The following SAMMSON variants were observed in gnomAD, a reference collection of about 807,000 sequenced individuals.
SAMMSON encodes long intergenic non-protein coding RNA 1212.
chr3:70,033,685 G>C (rs2067074340), intron 3 of SAMMSON, among the ~76,000 whole-genome samples: 1 of 152,174 alleles, frequency 6.6e-6, no homozygotes, highest in Admixed American at 6.5e-5. Context: ...GGCCAGGTGA[G>C]AGAGGATGAA....
intron 9 of SAMMSON, among the ~76,000 whole-genome samples, chr3:70,374,481 T>C (rs888082667): frequency 1.3e-5 from 2 of 152,064 alleles, no homozygotes; most frequent in Admixed American, 6.6e-5. Context: ...GAAGTCCAAG[T>C]TTCTTGCTTT....
chr3:70,420,304 C>T (rs548032199), intron 2 of SAMMSON, among the ~76,000 whole-genome samples: 1 of 152,198 alleles, frequency 6.6e-6, no homozygotes, highest in South Asian at 2.1e-4. Context: ...TGCTTCCAAA[C>T]TCACCACAAA....
intron 4 of SAMMSON, among the ~76,000 whole-genome samples, chr3:70,077,383 A>G (rs13069643): frequency 0.056 from 8,568 of 152,292 alleles, 356 homozygotes; most frequent in South Asian, 0.14. Flanking sequence ...TTTAGATTGC[A>G]TACATATGTG....
chr3:70,398,034 G>T (rs1376042133), intron 2 of SAMMSON, among the ~76,000 whole-genome samples: 1 of 152,026 alleles, frequency 6.6e-6, no homozygotes, highest in African/African-American at 2.4e-5. Context: ...AAACAATTTT[G>T]AATAATAATG....
chr3:70,415,812 C>T (rs1160353205), intron 2 of SAMMSON, among the ~76,000 whole-genome samples: 1 of 152,140 alleles, frequency 6.6e-6, no homozygotes, highest in African/African-American at 2.4e-5. Context: ...GAGCAAGAAT[C>T]ATGTTGTTAA....
intron 4 of SAMMSON, among the ~76,000 whole-genome samples, chr3:70,178,359 G>T (rs1326096909): frequency 6.6e-6 from 1 of 152,112 alleles, no homozygotes; most frequent in African/African-American, 2.4e-5. Context: ...TTCTTAAACT[G>T]CAGTATCCTT....
At chr3:70,034,910 CTTAGG>C (rs1209264850) in intron 3 of SAMMSON, among the ~76,000 whole-genome samples, 2 of 152,120 alleles carry the variant, frequency 1.3e-5, no homozygotes, top group African/African-American at 4.8e-5. Flanking sequence ...AAGAGGAAAT[CTTAGG>C]TTAGAATTGT....
chr3:70,288,544 G>A (rs1702191755), intron 6 of SAMMSON, among the ~76,000 whole-genome samples: 1 of 149,750 alleles, frequency 6.7e-6, no homozygotes, highest in Admixed American at 6.7e-5. Context: ...TATTGATTTG[G>A]GGTGGAGAGT....
chr3:70,324,153 CTCTATCTATCTATCTA>C (rs200387919), intron 7 of SAMMSON, among the ~76,000 whole-genome samples: 3 of 148,548 alleles, frequency 2.0e-5, no homozygotes, highest in East Asian at 2.0e-4. Context: ...CTTTACATCT[CTCTATCTATCTATCTA>C]TCTATCTATC....
At chr3:70,025,795 T>C (rs979750523) in intron 3 of SAMMSON, among the ~76,000 whole-genome samples, 4 of 152,212 alleles carry the variant, frequency 2.6e-5, no homozygotes, top group African/African-American at 9.6e-5. Context: ...TTATATGTAT[T>C]ATATACTGTA....
rs143377430 is a variant in SAMMSON at position 70,262,105 on chromosome 3, G to A, written n.674+12435G>A. ...CTTTTCTTTTCTCAAAAGCTGGTGC[G>A]ACAGTATTGCCTTCTATGTGTGTTG... On this transcript the variant is annotated intron_variant and non_coding_transcript_variant, in intron 6 of 9. Transcript: ENST00000642114. Among the ~76,000 whole-genome samples, 53 of 152,228 alleles carry A rather than the reference G, an allele frequency of 3.5e-4. No homozygotes were observed. In the East Asian group the frequency reaches 8.7e-3, roughly 25 times the overall value.
At chr3:70,205,052 C>T (rs1701277746) in intron 4 of SAMMSON, 1 of 152,088 alleles carries the variant, frequency 6.6e-6, no homozygotes. Flanking sequence ...AATTCAGAGT[C>T]ATAATCTGAT....
At chr3:70,285,164 G>C (rs1392182213) in intron 6 of SAMMSON, among the ~76,000 whole-genome samples, 1 of 149,730 alleles carries the variant, frequency 6.7e-6, no homozygotes, top group Non-Finnish European at 1.5e-5. Context: ...CCACTAACTT[G>C]TCATCTAGCA....
rs140973188 is a variant in SAMMSON, at chr3:70,142,954, G to A, written n.507+71389G>A. On this transcript the variant is annotated intron_variant and non_coding_transcript_variant, in intron 4 of 9. Transcript: ENST00000642114. Reference sequence around the variant, plus strand: ...ATGGAAGAAGCCCTTCATCTCATTAGAGGGATTGTGATCAAGTGATGATAA... The same window carrying A: ...ATGGAAGAAGCCCTTCATCTCATTAAAGGGATTGTGATCAAGTGATGATAA... Among the ~76,000 whole-genome samples, 844 of 152,230 alleles carry A rather than the reference G, an allele frequency of 5.5e-3. 10 individuals carry two copies. Among genetic ancestry groups the A allele is most frequent in the African/African-American group, 0.019 (801 of 41,544 alleles).
At chr3:70,283,208 C>T (rs540888901) in intron 6 of SAMMSON, among the ~76,000 whole-genome samples, 32 of 152,244 alleles carry the variant, frequency 2.1e-4, no homozygotes, top group African/African-American at 7.2e-4. Context: ...ATCCCAGCTT[C>T]ATCAGGAATG....
In SAMMSON at chr3:70,051,134, C is replaced by CAAAA. The variant is rs71126477; in HGVS notation, n.418-20319_418-20316dup. Among the ~76,000 whole-genome samples the CAAAA allele has an allele frequency of 1.8e-4, 8 of 45,234 alleles. 1 individual carries two copies. Among genetic ancestry groups the CAAAA allele is most frequent in the Non-Finnish European group, 2.4e-4 (6 of 24,760 alleles). 29.7% of individuals were successfully genotyped at this position (45,234 alleles called of 152,430 possible). Reference sequence around the variant, plus strand: ...TGGGCCACAGAGTGATACTCCATCTCAAAAAAAAAAAAAAAAAAAAAAAAA... The same window carrying CAAAA: ...TGGGCCACAGAGTGATACTCCATCTCAAAAAAAAAAAAAAAAAAAAAAAAAAAAA... On this transcript the variant is annotated intron_variant and non_coding_transcript_variant, in intron 3 of 9. Transcript: ENST00000642114.
intron 4 of SAMMSON, among the ~76,000 whole-genome samples, chr3:70,226,093 A>T (rs1413135763): frequency 6.6e-6 from 1 of 152,224 alleles, no homozygotes; most frequent in Non-Finnish European, 1.5e-5. Flanking sequence ...ACAGTGGATC[A>T]CATCCCTCAG....
chr3:70,395,350 G>GTGT (rs1434705926), intron 2 of SAMMSON, among the ~76,000 whole-genome samples: 1 of 46,818 alleles, frequency 2.1e-5, no homozygotes, highest in Non-Finnish European at 4.4e-5. Context: ...TTTTTTTTTT[G>GTGT]TGTTGTTGTT....
At chr3:70,164,276 C>T (rs1354155013) in intron 4 of SAMMSON, among the ~76,000 whole-genome samples, 1 of 151,916 alleles carries the variant, frequency 6.6e-6, no homozygotes, top group Non-Finnish European at 1.5e-5. Flanking sequence ...CCACAGTTTC[C>T]TCATCTACTC....
Sources: allele counts gnomAD v4.1 joint callset (sites outside exome capture counted in the v4.1 genomes callset), GRCh38; gene constraint gnomAD v4.1.1; transcripts MANE v1.5; gene names NCBI Gene and HGNC (gene_info 2026-07-23, HGNC 2026-07-21).